NRP2: variants seen among roughly 807,000 people sequenced by gnomAD.
The protein encoded by NRP2 is neuropilin 2.
NRP2 carries 52 observed loss-of-function variants against 110.4 expected under a neutral mutation model. That is an observed-to-expected ratio of 0.47 (90% CI 0.38 to 0.59). The LOEUF (loss-of-function observed/expected upper bound fraction) is 0.59. Among genes scored for constraint, NRP2 ranks in the 20% least tolerant of loss-of-function variants. NRP2 has a pLI of 0.00. For synonymous variants in NRP2, 508 were observed against 468.9 expected (o/e 1.08, Z -1.08); for missense variants, 1,049 against 1,203.0 (o/e 0.87, Z 1.89).
intron 7 of NRP2, among the ~76,000 whole-genome samples, chr2:205,729,295 T>G (rs2057190233): frequency 6.6e-6 from 1 of 152,224 alleles, no homozygotes; most frequent in Admixed American, 6.5e-5. Context: ...CTCACACACA[T>G]GCACACAATT....
chr2:205,756,325 C>G (rs2105904112), intron 12 of NRP2: 1 of 152,210 alleles, frequency 6.6e-6, no homozygotes, highest in Non-Finnish European at 1.5e-5. Flanking sequence ...AGGAAGCACC[C>G]CCTTACTAGG....
At chr2:205,749,953 C>T (rs2057613836) in intron 11 of NRP2, 112 bp downstream of exon 11, 1 of 857,066 alleles carries the variant, frequency 1.2e-6, no homozygotes, top group Non-Finnish European at 2.0e-6. Context: ...CAGGGGATCT[C>T]AAAGAAGTGG....
At chr2:205,768,308 A>C (rs1041831442) in intron 15 of NRP2, 2 of 152,226 alleles carry the variant, frequency 1.3e-5, no homozygotes, top group Admixed American at 6.5e-5. Context: ...ATTACAGTCG[A>C]ATTCGAGTTC....
intron 7 of NRP2, among the ~76,000 whole-genome samples, chr2:205,738,401 C>A (rs1347512381): frequency 6.6e-6 from 1 of 152,124 alleles, no homozygotes; most frequent in Non-Finnish European, 1.5e-5. Flanking sequence ...CAAAGCAAAG[C>A]AAAACAAAAC....
At chr2:205,699,618 A>G (rs2056509621) in intron 2 of NRP2, among the ~76,000 whole-genome samples, 1 of 152,212 alleles carries the variant, frequency 6.6e-6, no homozygotes, top group Non-Finnish European at 1.5e-5. Context: ...TACCCCTTCC[A>G]TGGACAGGAC....
intron 14 of NRP2, among the ~76,000 whole-genome samples, chr2:205,766,438 G>C (rs906785182): frequency 6.6e-6 from 1 of 152,144 alleles, no homozygotes; most frequent in Non-Finnish European, 1.5e-5. Flanking sequence ...CAGTCCCTCC[G>C]GGCAACTCTC....
chr2:205,742,475 T>C (rs151035526), intron 8 of NRP2, among the ~76,000 whole-genome samples: 73 of 152,298 alleles, frequency 4.8e-4, no homozygotes, highest in African/African-American at 1.4e-3. Flanking sequence ...TTAGTGAGGA[T>C]TGAAAATTTG....
chr2:205,755,435 A>G (rs535912663), intron 12 of NRP2, among the ~76,000 whole-genome samples: 1 of 152,324 alleles, frequency 6.6e-6, no homozygotes, highest in African/African-American at 2.4e-5. Flanking sequence ...TGCCTCCAGG[A>G]AACAAAATCA....
At chr2:205,780,462 A>G (rs977118683) in intron 15 of NRP2, among the ~76,000 whole-genome samples, 5 of 152,160 alleles carry the variant, frequency 3.3e-5, no homozygotes, top group Non-Finnish European at 5.9e-5. Context: ...AAATATTTCT[A>G]TCAGAAGGGA....
chr2:205,786,696 C>T (rs1157962344), intron 15 of NRP2, among the ~76,000 whole-genome samples: 2 of 152,218 alleles, frequency 1.3e-5, no homozygotes, highest in Non-Finnish European at 2.9e-5. Flanking sequence ...TGTGCTAAGA[C>T]TGGCTTTCCA....
At chr2:205,787,273 G>T (rs1461965528) in intron 15 of NRP2, among the ~76,000 whole-genome samples, 1 of 152,108 alleles carries the variant, frequency 6.6e-6, no homozygotes, top group Non-Finnish European at 1.5e-5. Context: ...TTCAGTGCAG[G>T]GTGATGCTGC....
chr2:205,707,498 C>G (rs945096005), intron 2 of NRP2, among the ~76,000 whole-genome samples: 1 of 152,194 alleles, frequency 6.6e-6, no homozygotes, highest in Non-Finnish European at 1.5e-5. Context: ...AAAAGGGAGG[C>G]CCATCACACC....
At position 205,749,727 on chromosome 2, in the gene NRP2, T is replaced by A. The variant is rs2057606891; in HGVS notation, c.1789T>A (p.Ser597Thr). ...LEVLGCDWTDSKPTVETLGPT... is the reference protein window; with the variant it reads ...LEVLGCDWTDTKPTVETLGPT... ...TATCTTCCTTTGCCCTTACACAGACTCCAAGCCCACGGTAGAGACGCTGGG... is the reference window on the plus strand; with the variant it reads ...TATCTTCCTTTGCCCTTACACAGACACCAAGCCCACGGTAGAGACGCTGGG... The change falls in exon 11 of 17, where the codon TCC becomes ACC. Residue 597 changes from serine (S) to threonine (T), a missense_variant and splice_region_variant. Physicochemically the swap from Ser to Thr is moderately conservative, Grantham distance 58 (BLOSUM62 1). Coordinates refer to ENST00000357785, the MANE Select transcript of NRP2 (RefSeq NM_003872.3). 1 of 1,613,896 alleles carries A rather than the reference T, an allele frequency of 6.2e-7. No individual in the cohort carries two copies. The highest frequency in any genetic ancestry group is 8.5e-7 in the Non-Finnish European group (1 of 1,179,796).
intron 2 of NRP2, among the ~76,000 whole-genome samples, chr2:205,712,269 T>C (rs1412330728): frequency 6.6e-6 from 1 of 152,124 alleles, no homozygotes; most frequent in East Asian, 1.9e-4. Flanking sequence ...CAATACAAGG[T>C]AGTGTTAAAG....
intron 3 of NRP2, among the ~76,000 whole-genome samples, chr2:205,718,359 T>C (rs1480200958): frequency 6.6e-6 from 1 of 152,212 alleles, no homozygotes; most frequent in African/African-American, 2.4e-5. Context: ...TATCGCTGTC[T>C]TGAGGACATG....
chr2:205,793,167 G>T (rs2058320366), intron 16 of NRP2, among the ~76,000 whole-genome samples: 1 of 152,164 alleles, frequency 6.6e-6, no homozygotes, highest in African/African-American at 2.4e-5. Context: ...GGGCAAAAGT[G>T]CATGACCAAC....
At chr2:205,776,337 G>T (rs754249911) in intron 15 of NRP2, 1 of 1,612,802 alleles carries the variant, frequency 6.2e-7, no homozygotes, top group Non-Finnish European at 8.5e-7. Context: ...TGGCCGCCGG[G>T]GGCGCCGTGC....
chr2:205,792,328 T>G, intron 16 of NRP2, 43 bp downstream of exon 16: 2 of 1,513,430 alleles, frequency 1.3e-6, no homozygotes, highest in Admixed American at 3.3e-5. Context: ...AAAATTCAAG[T>G]TTGGTTATAA....
chr2:205,781,555 C>A (rs1028824722), intron 15 of NRP2, among the ~76,000 whole-genome samples: 4 of 152,208 alleles, frequency 2.6e-5, no homozygotes, highest in Admixed American at 6.5e-5. Flanking sequence ...AACGTGTGGC[C>A]TTTCTGTAAT....
Sources: gnomAD v4.1 joint callset for allele counts (sites outside exome capture counted in the v4.1 genomes callset) on GRCh38, gnomAD v4.1.1 for gene constraint, MANE v1.5 for transcripts, NCBI Gene and HGNC (gene_info 2026-07-23, HGNC 2026-07-21) for gene names.